The following LRP1B variants were observed in gnomAD, a reference collection of about 807,000 sequenced individuals.
LRP1B encodes the protein LDL receptor related protein 1B.
Under a neutral mutation model 556.6 loss-of-function variants are expected in LRP1B, and 217 were observed. The observed-to-expected ratio is 0.39, with a 90% CI of 0.35 to 0.44. The LOEUF is 0.44. LRP1B is among the 20% of genes least tolerant of loss of function. The pLI, the probability that LRP1B is intolerant of heterozygous loss-of-function variation, is 1.00. For synonymous variants in LRP1B, 2,047 were observed against 1,865.8 expected, an observed-to-expected ratio of 1.10 and a Z score of -2.50; for missense variants, 5,053 against 5,620.8, an observed-to-expected ratio of 0.90 and a Z score of 3.23.
rs527771099 is a variant in LRP1B, at chr2:140,813,588, T to C, written c.5359+69A>G. On this transcript the variant is annotated intron_variant, in intron 32 of 90. Coordinates refer to ENST00000389484, the MANE Select transcript of LRP1B (RefSeq NM_018557.3). ...GTGGAGCAGTAACTTTCCTAAGCTT[T>C]TAACAGGTCATAATAAATCAACCCC... 7.1e-5 allele frequency: 102 copies of C among 1,430,666 alleles called. No homozygotes were observed. The Admixed American group carries it at 1.0e-3, about 14-fold the overall frequency. The allele number at this position is 1,430,666 out of a possible 1,614,324, so 88.6% of individuals were successfully genotyped here.
intron 7 of LRP1B, among the ~76,000 whole-genome samples, chr2:141,122,778 C>T (rs1370117079): frequency 6.6e-6 from 1 of 152,166 alleles, no homozygotes; most frequent in East Asian, 1.9e-4. Context: ...ATAAATCATG[C>T]TGCTATAAAG....
intron 2 of LRP1B, among the ~76,000 whole-genome samples, chr2:141,510,125 A>G (rs1024852331): frequency 2.0e-5 from 3 of 151,836 alleles, no homozygotes; most frequent in African/African-American, 7.3e-5. Flanking sequence ...ATAAAGCAAA[A>G]GATAATGAAT....
chr2:141,279,839 A>G (rs1685445187), intron 3 of LRP1B, among the ~76,000 whole-genome samples: 1 of 152,190 alleles, frequency 6.6e-6, no homozygotes, highest in African/African-American at 2.4e-5. Context: ...GGATAATACA[A>G]TAGGTTGTTT....
At chr2:140,966,241 G>A (rs1696217516) in intron 18 of LRP1B, among the ~76,000 whole-genome samples, 1 of 152,082 alleles carries the variant, frequency 6.6e-6, no homozygotes, top group South Asian at 2.1e-4. Context: ...TTTAATGATT[G>A]CCATTCTAAC....
intron 5 of LRP1B, among the ~76,000 whole-genome samples, chr2:141,242,527 G>T (rs1226207512): frequency 6.6e-6 from 1 of 151,902 alleles, no homozygotes; most frequent in Non-Finnish European, 1.5e-5. Context: ...GAGTCTCATT[G>T]CCTCAATAGT....
chr2:140,401,219 A>G (rs1684486476), intron 66 of LRP1B, among the ~76,000 whole-genome samples: 1 of 152,152 alleles, frequency 6.6e-6, no homozygotes, highest in Admixed American at 6.5e-5. Flanking sequence ...GGGGAGTGAC[A>G]TGGTCTGAAA....
chr2:140,643,288 T>A (rs954414871), intron 41 of LRP1B, among the ~76,000 whole-genome samples: 17 of 152,126 alleles, frequency 1.1e-4, no homozygotes, highest in Non-Finnish European at 1.9e-4. Flanking sequence ...CTGTTACTAT[T>A]CAGAAGACAA....
intron 2 of LRP1B, among the ~76,000 whole-genome samples, chr2:141,493,244 T>C (rs1268704687): frequency 1.3e-5 from 2 of 152,164 alleles, no homozygotes; most frequent in East Asian, 3.9e-4. Context: ...CTGTACTACA[T>C]TGTGCTGCAA....
At chr2:140,737,404 G>A (rs961509135) in intron 35 of LRP1B, among the ~76,000 whole-genome samples, 15 of 152,120 alleles carry the variant, frequency 9.9e-5, no homozygotes, top group African/African-American at 3.6e-4. Flanking sequence ...TATATTACAG[G>A]GAGACAGGAA....
intron 1 of LRP1B, among the ~76,000 whole-genome samples, chr2:142,104,810 G>A (rs1706690623): frequency 1.3e-5 from 2 of 152,086 alleles, no homozygotes; most frequent in South Asian, 4.1e-4. Flanking sequence ...AACAACTCAT[G>A]TCTTCTTTAT....
chr2:142,031,777 A>C (rs1251941682), intron 1 of LRP1B, among the ~76,000 whole-genome samples: 1 of 151,738 alleles, frequency 6.6e-6, no homozygotes, highest in Non-Finnish European at 1.5e-5. Flanking sequence ...GCTAATCCCC[A>C]GTCTCTCAGA....
rs150474653 is a variant in LRP1B, at chr2:140,367,046, G to A, written c.11009-2263C>T. The stretch of plus-strand genomic sequence containing the variant: ...AGACTGGAAGTGAAACAAATCTTCT[G>A]TTTTGGGAGGAAGGAAGGAGGAAAG... On this transcript the variant is annotated intron_variant, in intron 71 of 90. Transcript: ENST00000389484. Among the ~76,000 whole-genome samples the A allele has an allele frequency of 6.4e-3, 967 of 151,758 alleles. 11 individuals carry two copies. Among genetic ancestry groups the A allele is most frequent in the African/African-American group, 0.022 (926 of 41,470 alleles).
At chr2:141,411,246 A>T (rs1690840492) in intron 3 of LRP1B, among the ~76,000 whole-genome samples, 1 of 152,094 alleles carries the variant, frequency 6.6e-6, no homozygotes, top group South Asian at 2.1e-4. Flanking sequence ...CTGAAACATA[A>T]TGAAGCCACA....
At chr2:140,565,009 C>T (rs988388541) in intron 43 of LRP1B, among the ~76,000 whole-genome samples, 3 of 151,684 alleles carry the variant, frequency 2.0e-5, no homozygotes, top group Admixed American at 6.6e-5. Context: ...GATAGTATTA[C>T]TTTAGGATTT....
chr2:141,515,837 C>T (rs548460966), intron 2 of LRP1B, among the ~76,000 whole-genome samples: 4 of 152,236 alleles, frequency 2.6e-5, no homozygotes, highest in African/African-American at 7.2e-5. Context: ...TTAATATGAA[C>T]GCCCAAGTGA....
At chr2:140,253,680 G>A (rs538123536) in intron 86 of LRP1B, among the ~76,000 whole-genome samples, 18 of 152,232 alleles carry the variant, frequency 1.2e-4, no homozygotes, top group African/African-American at 2.9e-4. Context: ...AAATTTTACT[G>A]AAAGCTGATG....
intron 3 of LRP1B, among the ~76,000 whole-genome samples, chr2:141,292,801 A>C (rs1005594476): frequency 6.6e-6 from 1 of 152,194 alleles, no homozygotes; most frequent in Non-Finnish European, 1.5e-5. Context: ...GAATCGAAAT[A>C]AACTTGACAA....
chr2:141,795,869 T>A (rs1210943144), intron 2 of LRP1B, among the ~76,000 whole-genome samples: 13 of 87,712 alleles, frequency 1.5e-4, no homozygotes, highest in African/African-American at 4.5e-4. Context: ...TATATATATA[T>A]ATATATATAT....
At chr2:140,729,772 T>C (rs557884401) in intron 35 of LRP1B, among the ~76,000 whole-genome samples, 64 of 152,278 alleles carry the variant, frequency 4.2e-4, no homozygotes, top group African/African-American at 1.4e-3. Flanking sequence ...TGGGGGTACA[T>C]TGATAGAAAG....
Sources: gnomAD v4.1 joint callset for allele counts (sites outside exome capture counted in the v4.1 genomes callset) on GRCh38, gnomAD v4.1.1 for gene constraint, MANE v1.5 for transcripts, NCBI Gene and HGNC (gene_info 2026-07-23, HGNC 2026-07-21) for gene names.